The following ITGA2B variants were observed in gnomAD, a reference collection of about 807,000 sequenced individuals.
The protein encoded by ITGA2B is integrin alpha-IIb.
A neutral mutation model predicts 142.0 loss-of-function variants in ITGA2B; 91 were observed. That is an observed-to-expected ratio of 0.64 (90% CI 0.54 to 0.76). ITGA2B has a LOEUF of 0.76. Ranked by LOEUF, ITGA2B falls within the 30% of genes least tolerant of loss-of-function variation. The pLI is 0.00. For synonymous variants in ITGA2B, 536 were observed against 567.2 expected, an observed-to-expected ratio of 0.94 and a Z score of 0.78; for missense variants, 1,231 against 1,350.8, an observed-to-expected ratio of 0.91 and a Z score of 1.39.
chr17:44,384,438 A>C (rs1416262268), intron 8 of ITGA2B, 84 bp from the exon 9 acceptor site: 2 of 1,607,118 alleles, frequency 1.2e-6, no homozygotes, highest in African/African-American at 2.7e-5. Flanking sequence ...CCCAGGGAAA[A>C]ATGTGTGTGC....
At chr17:44,381,877 C>T (rs2048600558) in intron 12 of ITGA2B, among the ~76,000 whole-genome samples, 1 of 151,968 alleles carries the variant, frequency 6.6e-6, no homozygotes, top group Admixed American at 6.6e-5. Context: ...ATCCTCCTGC[C>T]TCGGCCTCCC....
chr17:44,386,095 G>A lies in ITGA2B; in HGVS notation c.225C>T (p.Gly75=), dbSNP rs781448614. 76 of 1,608,230 alleles carry A rather than the reference G, an allele frequency of 4.7e-5. No homozygotes were observed. The highest frequency in any genetic ancestry group is 5.7e-5 in the Non-Finnish European group (67 of 1,178,878). ...CGCCGCCCGTCTCCTCCTGGCTGGG[G>A]CCCAGGGTCCGCGGGGCGCCCACCA... is the stretch of plus-strand genomic sequence containing the variant. ...AIVVGAPRTL[G]PSQEETGGVF... Residue 75 remains glycine (G), a synonymous_variant, in exon 2 of 30, where the codon GGC becomes GGT. Transcript: ENST00000262407.
Position 44,385,584 on chromosome 17 carries a change from T to C in ITGA2B, c.541A>G (p.Thr181Ala). The C allele has an allele frequency of 6.2e-7, 1 of 1,606,178 alleles. No individual in the cohort carries two copies. The highest frequency in any genetic ancestry group is 8.5e-7 in the Non-Finnish European group (1 of 1,177,798). The change falls in exon 4 of 30, where the codon ACC (threonine) becomes GCC (alanine). Residue 181 changes from threonine to alanine, a missense_variant. Coordinates refer to ENST00000262407, the MANE Select transcript of ITGA2B (RefSeq NM_000419.5). ...TTTTCCACGTAAATGCGGCTCAGGGTGTTCCCGCGACAGGGGGAGTACTCG... is the reference window on the plus strand; with the variant it reads ...TTTTCCACGTAAATGCGGCTCAGGGCGTTCCCGCGACAGGGGGAGTACTCG... ...RAEYSPCRGN[T>A]LSRIYVENDF...
Position 44,375,929 on chromosome 17 carries a change from C to G in ITGA2B, c.2505G>C (p.Pro835=). ...GCAGGTCGGAGGGCTGGGACTGTCCCGGAAGGTGGATGCTGAGGTGAAGAC... is the reference window on the plus strand; with the variant it reads ...GCAGGTCGGAGGGCTGGGACTGTCCGGGAAGGTGGATGCTGAGGTGAAGAC... ...VNGLHLSIHL[P]GQSQPSDLLY... is the part of the protein sequence containing the mutation. The change falls in exon 25 of 30, where the codon CCG becomes CCC. Residue 835 remains proline, a synonymous_variant. Coordinates refer to ENST00000262407, the MANE Select transcript of ITGA2B (RefSeq NM_000419.5). 6.2e-7 allele frequency: 1 copy of G among 1,613,856 alleles called. No individual in the cohort carries two copies. The highest frequency in any genetic ancestry group is 8.5e-7 in the Non-Finnish European group (1 of 1,179,970).
chr17:44,378,838 G>A lies in ITGA2B; in HGVS notation c.1879-128C>T, dbSNP rs548727291. The stretch of plus-strand genomic sequence containing the variant: ...TTAGGGAGTAAGAAGATCTGAGGAC[G>A]AAAAGGAGTTTGTAGATGGTATCGG... On this transcript the variant is annotated intron_variant, in intron 18 of 29. Coordinates refer to ENST00000262407, the MANE Select transcript of ITGA2B (RefSeq NM_000419.5). 30 of 788,658 alleles carry A rather than the reference G, an allele frequency of 3.8e-5. No individual in the cohort carries two copies. In the Middle Eastern group the frequency reaches 2.8e-3, roughly 73 times the overall value. The allele number at this position is 788,658 out of a possible 1,614,324, so 48.9% of individuals were successfully genotyped here.
At chr17:44,384,505 C>A in intron 8 of ITGA2B, 33 bp downstream of exon 8, 2 of 1,613,928 alleles carry the variant, frequency 1.2e-6, no homozygotes, top group Middle Eastern at 1.6e-4. Context: ...CCGGGCTGGG[C>A]TACCCAACTC....
At chr17:44,379,588 A>T in intron 18 of ITGA2B, 101 bp downstream of exon 18, 1 of 1,574,748 alleles carries the variant, frequency 6.4e-7, no homozygotes, top group Non-Finnish European at 8.7e-7. Context: ...TTGGAATGAC[A>T]TCAAGGTTTT....
chr17:44,384,420 G>T (rs2048625396), intron 8 of ITGA2B, 66 bp from the exon 9 acceptor site: 3 of 1,607,350 alleles, frequency 1.9e-6, no homozygotes, highest in Non-Finnish European at 1.7e-6. Flanking sequence ...CCCGCTCCCC[G>T]TTCTGCACCC....
Position 44,375,694 on chromosome 17 carries a change from G to A in ITGA2B, c.2624C>T (p.Pro875Leu). ...PLKVDWGLPI[P>L]SPSPIHPAHH... ...GGCCGGGTGAATGGGGGAGGGGCTG[G>A]GGATGGGCAGCCCCCAGTCCACCTG... Residue 875 changes from proline to leucine, a missense_variant, in exon 26 of 30, where the codon CCC (proline) becomes CTC (leucine). Around this residue, in one of 3 missense-constraint regions of ITGA2B, gnomAD observed 908 missense variants for 1,021.1 expected, o/e 0.89. Transcript: ENST00000262407. 1.9e-6 allele frequency: 3 copies of A among 1,595,280 alleles called. No homozygotes were observed. Among genetic ancestry groups the A allele is most frequent in the South Asian group, 1.1e-5 (1 of 88,690 alleles).
rs2048587538 is a variant in ITGA2B at position 44,380,616 on chromosome 17, G to T, written c.1423C>A (p.Gln475Lys). Residue 475 changes from glutamine to lysine, a missense_variant, in exon 14 of 30, where the codon CAG becomes AAG. By Grantham distance (53) the Gln-to-Lys change is moderately conservative (BLOSUM62 1). This residue lies in a region of ITGA2B where 908 missense variants were observed against 1,021.1 expected (regional missense o/e 0.89). Transcript: ENST00000262407. The part of the protein sequence containing the change: ...DLIVGAYGAN[Q>K]VAVYRAQPVV... ...AGTGCTCACCTGTACACAGCCACCT[G>T]GTTGGCCCCGTAAGCTCCCACGATC... 2 of 1,614,054 alleles carry T rather than the reference G, an allele frequency of 1.2e-6. No individual in the cohort carries two copies. Among genetic ancestry groups the T allele is most frequent in the African/African-American group, 2.7e-5 (2 of 74,928 alleles).
chr17:44,379,031 C>T lies in ITGA2B; in HGVS notation c.1879-321G>A, dbSNP rs111783066. Among the ~76,000 whole-genome samples, 376 of 148,566 alleles carry T rather than the reference C, an allele frequency of 2.5e-3. 1 individual carries two copies. Among genetic ancestry groups the T allele is most frequent in the African/African-American group, 8.7e-3 (351 of 40,222 alleles). On this transcript the variant is annotated intron_variant, in intron 18 of 29. Transcript: ENST00000262407. Reference sequence around the variant, plus strand: ...CACTATCTCGGCTCACTGCAAGCTCCGCCCCCCGGGGTTCACGCCATTCTC... The same window carrying T: ...CACTATCTCGGCTCACTGCAAGCTCTGCCCCCCGGGGTTCACGCCATTCTC...
chr17:44,378,989 A>G (rs1474731077), intron 18 of ITGA2B, among the ~76,000 whole-genome samples: 2 of 152,182 alleles, frequency 1.3e-5, no homozygotes, highest in African/African-American at 2.4e-5. Flanking sequence ...TCTGTCGTCC[A>G]GGCTGGAGTG....
At position 44,380,198 on chromosome 17, in the gene ITGA2B, C is replaced by T. The variant is rs529197821; in HGVS notation, c.1601-45G>A. ...AGTCAGGACCTCCCTGGCCAGCCTC[C>T]GGGGGAGTCCAAGCCCACCTCCCTC... On this transcript the variant is annotated intron_variant, in intron 16 of 29. Coordinates refer to ENST00000262407, the MANE Select transcript of ITGA2B (RefSeq NM_000419.5). The T allele has an allele frequency of 2.2e-5, 36 of 1,614,022 alleles. No individual in the cohort carries two copies. The South Asian group carries it at 2.3e-4, about 10-fold the overall frequency.
Position 44,380,415 on chromosome 17 carries a change from G to A in ITGA2B, c.1515C>T (p.Val505=). ...DSLNPAVKSC[V]LPQTKTPVSC... ...TCACGGGTGTCTTGGTCTGAGGTAGGACACAGCTCTTCACAGCAGGATTCA... is the reference window on the plus strand; with the variant it reads ...TCACGGGTGTCTTGGTCTGAGGTAGAACACAGCTCTTCACAGCAGGATTCA... The change falls in exon 15 of 30, where the codon GTC becomes GTT. Residue 505 remains valine (V), a synonymous_variant. Transcript: ENST00000262407. 6.2e-7 allele frequency: 1 copy of A among 1,614,170 alleles called. No individual in the cohort carries two copies. Among genetic ancestry groups the A allele is most frequent in the South Asian group, 1.1e-5 (1 of 91,086 alleles).
In ITGA2B at chr17:44,380,956, T is replaced by C. The variant is rs1293192906; in HGVS notation, c.1316A>G (p.Asp439Gly). 3 of 1,614,152 alleles carry C rather than the reference T, an allele frequency of 1.9e-6. No homozygotes were observed. The Admixed American group carries it at 5.0e-5, about 27-fold the overall frequency. ...GLRSRPSQVLDSPFPTGSAFG... is the reference protein window; with the variant it reads ...GLRSRPSQVLGSPFPTGSAFG... ...GGCAGAGCCTGTGGGGAAGGGGCTG[T>C]CCAGGACCTGGGAGGGACGTGACCT... The change falls in exon 13 of 30, where the codon GAC (aspartate) becomes GGC (glycine). Residue 439 changes from aspartate (D) to glycine (G), a missense_variant. Transcript: ENST00000262407.
At chr17:44,384,606 T>G (rs776326401) in intron 7 of ITGA2B, 21 bp from the exon 8 acceptor site, 1 of 1,613,632 alleles carries the variant, frequency 6.2e-7, no homozygotes, top group African/African-American at 1.3e-5. Context: ...GGGCGCAAAT[T>G]AGTCTTTTCC....
Position 44,386,130 on chromosome 17 carries a change from C to A in ITGA2B, c.190G>T (p.Val64Leu). 3 of 1,595,938 alleles carry A rather than the reference C, an allele frequency of 1.9e-6. No individual in the cohort carries two copies. In the South Asian group the frequency reaches 3.4e-5, roughly 18 times the overall value. The part of the protein sequence containing the change: ...LDFHKDSHGR[V>L]AIVVGAPRTL... The stretch of plus-strand genomic sequence containing the variant: ...CGCGGGGCGCCCACCACGATGGCCA[C>A]TCTGCATAGGAAAGCTGGGTGAGCG... Residue 64 changes from valine (V) to leucine (L), a missense_variant and splice_region_variant, in exon 2 of 30, where the codon GTG becomes TTG. This residue lies in a region of ITGA2B where 318 missense variants were observed against 312.2 expected (regional missense o/e 1.02). Transcript: ENST00000262407.
Position 44,375,815 on chromosome 17 carries a change from C to T in ITGA2B, c.2601+18G>A, listed in dbSNP as rs1567898573. 6.4e-7 allele frequency: 1 copy of T among 1,566,032 alleles called. No individual in the cohort carries two copies. On this transcript the variant is annotated intron_variant, in intron 25 of 29. Coordinates refer to ENST00000262407, the MANE Select transcript of ITGA2B (RefSeq NM_000419.5). ...TCTGGGGCCGCCTTCCCAGGTCTTT[C>T]TTCCACCCAGCTCTTACCTTGAGAG...
At position 44,384,928 on chromosome 17, in the gene ITGA2B, G is replaced by A. The variant is rs778534483; in HGVS notation, c.799+20C>T. The A allele has an allele frequency of 7.1e-5, 115 of 1,613,894 alleles. No homozygotes were observed. Among genetic ancestry groups the A allele is most frequent in the Middle Eastern group, 3.3e-4 (2 of 6,004 alleles). ...GGCGGTGACCCTCGGGGTGCTGGAA[G>A]TCTGGAATGGCGGTGTTACCCCAGT... On this transcript the variant is annotated intron_variant, in intron 7 of 29. Transcript: ENST00000262407.
Sources: gnomAD v4.1 joint callset for allele counts (sites outside exome capture counted in the v4.1 genomes callset) on GRCh38, gnomAD v4.1.1 for gene constraint, gnomAD v4.1.1 regional missense constraint, MANE v1.5 for transcripts, NCBI Gene and HGNC (gene_info 2026-07-23, HGNC 2026-07-21) for gene names.